Variants in PHLPP1 observed in about 807,000 individuals in gnomAD.
PHLPP1 encodes the protein PH domain and leucine rich repeat protein phosphatase 1.
PHLPP1 carries 42 observed loss-of-function variants against 117.2 expected under a neutral mutation model. The ratio of observed to expected loss-of-function variants is 0.36; its 90% CI spans 0.28 to 0.46. The LOEUF (loss-of-function observed/expected upper bound fraction) is 0.46. Ranked by LOEUF, PHLPP1 falls within the 20% of genes least tolerant of loss-of-function variation. PHLPP1 has a pLI of 1.00. For synonymous variants in PHLPP1, 1,042 were observed against 970.7 expected (o/e 1.07, Z -1.37); for missense variants, 2,084 against 2,241.9 (o/e 0.93, Z 1.42).
At position 62,979,509 on chromosome 18, in the gene PHLPP1, G is replaced by A; in HGVS notation, c.*78G>A. ...AGTCTCCCAGGCTCACATTAAACCA[G>A]GGGTTTTACTCCACATCCTTCCCCC... On this transcript the variant is annotated 3_prime_UTR_variant, in exon 17 of 17. Transcript: ENST00000262719. The A allele has an allele frequency of 6.9e-7, 1 of 1,448,980 alleles. No individual in the cohort carries two copies. The highest frequency in any genetic ancestry group is 9.3e-7 in the Non-Finnish European group (1 of 1,077,838). The allele number at this position is 1,448,980 out of a possible 1,614,324, so 89.8% of individuals were successfully genotyped here.
chr18:62,730,716 C>T (rs868270789), intron 1 of PHLPP1, among the ~76,000 whole-genome samples: 8 of 149,090 alleles, frequency 5.4e-5, no homozygotes, highest in Admixed American at 3.4e-4. Flanking sequence ...CCTATGAAAA[C>T]GGGAGGCAGA....
chr18:62,860,913 G>A (rs1406617103), intron 4 of PHLPP1, among the ~76,000 whole-genome samples: 3 of 152,016 alleles, frequency 2.0e-5, no homozygotes, highest in African/African-American at 7.2e-5. Context: ...AATAACATTT[G>A]GTGTGTTACT....
intron 10 of PHLPP1, among the ~76,000 whole-genome samples, chr18:62,928,639 G>A (rs533849): frequency 0.98 from 148,563 of 152,278 alleles, 72,585 homozygotes; most frequent in East Asian, 1. Flanking sequence ...TTACCCAGCA[G>A]TTCTACTCTT....
intron 1 of PHLPP1, among the ~76,000 whole-genome samples, chr18:62,821,820 C>T (rs533682763): frequency 1.0e-3 from 150 of 148,872 alleles, no homozygotes; most frequent in African/African-American, 3.4e-3. Context: ...GGTGCTGTTT[C>T]GGCTCACTGC....
intron 13 of PHLPP1, among the ~76,000 whole-genome samples, chr18:62,961,650 G>C (rs1038341091): frequency 1.3e-5 from 2 of 152,016 alleles, no homozygotes; most frequent in Non-Finnish European, 2.9e-5. Context: ...GGAGTACCAG[G>C]TCATATGGAG....
intron 14 of PHLPP1, among the ~76,000 whole-genome samples, chr18:62,967,338 C>T (rs548773642): frequency 6.6e-6 from 1 of 152,258 alleles, no homozygotes; most frequent in Non-Finnish European, 1.5e-5. Context: ...TTCCAAAGTG[C>T]CTGTATCATT....
intron 1 of PHLPP1, among the ~76,000 whole-genome samples, chr18:62,791,898 C>A (rs1913469137): frequency 6.6e-6 from 1 of 151,736 alleles, no homozygotes; most frequent in Admixed American, 6.6e-5. Flanking sequence ...GGATTCGTAC[C>A]CATTTTTTTC....
chr18:62,916,513 C>A (rs573648875), intron 9 of PHLPP1, among the ~76,000 whole-genome samples: 1 of 151,484 alleles, frequency 6.6e-6, no homozygotes, highest in Non-Finnish European at 1.5e-5. Context: ...CCTGTAAATA[C>A]GATCCATTTG....
At chr18:62,973,279 C>T (rs1335202570) in intron 15 of PHLPP1, among the ~76,000 whole-genome samples, 3 of 152,242 alleles carry the variant, frequency 2.0e-5, no homozygotes, top group Non-Finnish European at 2.9e-5. Context: ...GGAGTTGCCA[C>T]CAGCAGCAGA....
At chr18:62,799,792 T>C (rs1459471790) in intron 1 of PHLPP1, among the ~76,000 whole-genome samples, 1 of 152,216 alleles carries the variant, frequency 6.6e-6, no homozygotes, top group Non-Finnish European at 1.5e-5. Flanking sequence ...TTTATTTGCT[T>C]GGGCCTTACT....
At chr18:62,877,737 G>A (rs1285210885) in intron 4 of PHLPP1, among the ~76,000 whole-genome samples, 1 of 152,160 alleles carries the variant, frequency 6.6e-6, no homozygotes, top group Non-Finnish European at 1.5e-5. Flanking sequence ...TTCCTTCCCA[G>A]AGAATTTGAG....
intron 4 of PHLPP1, among the ~76,000 whole-genome samples, chr18:62,888,102 C>T (rs1203653715): frequency 1.3e-5 from 2 of 152,024 alleles, no homozygotes; most frequent in Admixed American, 6.6e-5. Context: ...GATTATAAAC[C>T]GACCACTGTA....
intron 8 of PHLPP1, among the ~76,000 whole-genome samples, chr18:62,912,168 G>A: frequency 8.5e-6 from 1 of 117,664 alleles, no homozygotes; most frequent in Non-Finnish European, 1.7e-5. Context: ...CGGGGGAGGG[G>A]GGAGGGATAG....
At chr18:62,913,313 T>C (rs80345531) in intron 8 of PHLPP1, among the ~76,000 whole-genome samples, 1 of 151,740 alleles carries the variant, frequency 6.6e-6, no homozygotes, top group Non-Finnish European at 1.5e-5. Flanking sequence ...AAAAAAAAAA[T>C]GAGCATGTCA....
intron 1 of PHLPP1, among the ~76,000 whole-genome samples, chr18:62,723,772 C>CT (rs2122049373): frequency 6.6e-6 from 1 of 152,262 alleles, no homozygotes; most frequent in African/African-American, 2.4e-5. Context: ...AAATGTACTG[C>CT]TTTTTAGAGA....
chr18:62,737,074 T>G (rs1299705962), intron 1 of PHLPP1, among the ~76,000 whole-genome samples: 2 of 152,156 alleles, frequency 1.3e-5, no homozygotes, highest in African/African-American at 4.8e-5. Flanking sequence ...TTGAAATGCC[T>G]TATTGGAGGC....
chr18:62,747,334 G>T (rs1911707848), intron 1 of PHLPP1, among the ~76,000 whole-genome samples: 1 of 146,072 alleles, frequency 6.8e-6, no homozygotes, highest in African/African-American at 2.6e-5. Context: ...GCCCAGGTTG[G>T]ATTGCAGTGG....
chr18:62,842,535 T>C lies in PHLPP1; in HGVS notation c.1899+3626T>C, dbSNP rs368775827. 3.3e-5 allele frequency among the ~76,000 whole-genome samples: 5 copies of C among 151,956 alleles called. No homozygotes were observed. In the East Asian group the frequency reaches 9.7e-4, roughly 29 times the overall value. On this transcript the variant is annotated intron_variant, in intron 3 of 16. Coordinates refer to ENST00000262719, the MANE Select transcript of PHLPP1 (RefSeq NM_194449.4). ...CGCCACCATGCCGGGCTAATTTTTT[T>C]GTATTTTTAGTAGAAACGGGATTTC...
chr18:62,820,150 CA>C (rs1205834588), intron 1 of PHLPP1, among the ~76,000 whole-genome samples: 2 of 152,138 alleles, frequency 1.3e-5, no homozygotes, highest in Non-Finnish European at 2.9e-5. Flanking sequence ...GAAGATATAA[CA>C]ATCCTAAATG....
Sources: gnomAD v4.1 joint callset for allele counts (sites outside exome capture counted in the v4.1 genomes callset) on GRCh38, gnomAD v4.1.1 for gene constraint, MANE v1.5 for transcripts, NCBI Gene and HGNC (gene_info 2026-07-23, HGNC 2026-07-21) for gene names.